Variants in SYNM observed in about 807,000 individuals in gnomAD.
SYNM encodes desmuslin.
In SYNM, 95 loss-of-function variants were observed where a neutral mutation model predicts 104.0. The observed-to-expected ratio is 0.91, with a 90% confidence interval of 0.77 to 1.08. The LOEUF (loss-of-function observed/expected upper bound fraction) is 1.08. SYNM is among the 50% of genes least tolerant of loss of function. SYNM has a pLI of 0.00. For missense variants in SYNM, 2,150 were observed against 2,052.2 expected, an observed-to-expected ratio of 1.05 and a Z score of -0.92; for synonymous variants, 918 against 869.0, an observed-to-expected ratio of 1.06 and a Z score of -0.99.
At chr15:99,113,170 A>G (rs782433624) in intron 1 of SYNM, among the ~76,000 whole-genome samples, 2 of 152,192 alleles carry the variant, frequency 1.3e-5, no homozygotes, top group Non-Finnish European at 2.9e-5. Context: ...AGTACATTTC[A>G]GTTCAATTCT....
Position 99,130,123 on chromosome 15 carries a change from G to T in SYNM, c.1763G>T (p.Arg588Ile), listed in dbSNP as rs371952715. ...PISLEVSQDRRAEVSPKGLQT... is the reference protein window; with the variant it reads ...PISLEVSQDRIAEVSPKGLQT... ...AGTCTAGAAGTATCCCAGGACAGAA[G>T]AGCAGAGGTGTCCCCGAAAGGTTTG... is the stretch of plus-strand genomic sequence containing the variant. Residue 588 changes from arginine to isoleucine, a missense_variant, in exon 4 of 4, where the codon AGA becomes ATA. Coordinates refer to ENST00000336292, the MANE Select transcript of SYNM (RefSeq NM_145728.3). 42 of 1,613,828 alleles carry T rather than the reference G, an allele frequency of 2.6e-5. No homozygotes were observed. The highest frequency in any genetic ancestry group is 3.5e-5 in the Non-Finnish European group (41 of 1,179,902).
chr15:99,105,456 A>G lies in SYNM; in HGVS notation c.257A>G (p.Asp86Gly), dbSNP rs782282572. The G allele has an allele frequency of 3.5e-6, 5 of 1,420,382 alleles. No individual in the cohort carries two copies. In the South Asian group the frequency reaches 5.8e-5, roughly 17 times the overall value. The allele number at this position is 1,420,382 out of a possible 1,614,324, so 88.0% of individuals were successfully genotyped here. A position where few individuals can be genotyped will look rare whatever the true frequency, so the allele number is the denominator to read the frequency against. The change falls in exon 1 of 4, where the codon GAC (aspartate) becomes GGC (glycine). Residue 86 changes from aspartate (D) to glycine (G), a missense_variant. Physicochemically the swap from Asp to Gly is moderately conservative, Grantham distance 94. Coordinates refer to ENST00000336292, the MANE Select transcript of SYNM (RefSeq NM_145728.3). ...WATALAEGER[D>G]ALRRELRELQ... is the part of the protein sequence containing the mutation. ...ACTGCGCTGGCGGAGGGCGAGCGGGACGCTCTGCGGCGCGAGCTGCGGGAG... is the reference window on the plus strand; with the variant it reads ...ACTGCGCTGGCGGAGGGCGAGCGGGGCGCTCTGCGGCGCGAGCTGCGGGAG...
chr15:99,130,284 A>T lies in SYNM; in HGVS notation c.1924A>T (p.Ile642Phe), dbSNP rs782509977. Reference sequence around the variant, plus strand: ...CATGACAGAAACCGTAGCAGAAAACATCGTTACCAGTATCCTGAAGCAGTT... The same window carrying T: ...CATGACAGAAACCGTAGCAGAAAACTTCGTTACCAGTATCCTGAAGCAGTT... The part of the protein sequence containing the change: ...DSMTETVAEN[I>F]VTSILKQFTQ... The change falls in exon 4 of 4, where the codon ATC becomes TTC. Residue 642 changes from isoleucine (I) to phenylalanine (F), a missense_variant. Physicochemically the swap from Ile to Phe is conservative, Grantham distance 21. Transcript: ENST00000336292. 2 of 1,613,936 alleles carry T rather than the reference A, an allele frequency of 1.2e-6. No homozygotes were observed. Among genetic ancestry groups the T allele is most frequent in the Non-Finnish European group, 1.7e-6 (2 of 1,179,870 alleles).
chr15:99,110,573 T>C (rs1227678145), intron 1 of SYNM, among the ~76,000 whole-genome samples: 2 of 152,254 alleles, frequency 1.3e-5, no homozygotes, highest in Non-Finnish European at 2.9e-5. Context: ...TCACAGTATT[T>C]AAATCCCCTG....
rs782052439 is a variant in SYNM, at chr15:99,132,661, A to G, written c.4301A>G (p.Asp1434Gly). 1 of 1,613,786 alleles carries G rather than the reference A, an allele frequency of 6.2e-7. No homozygotes were observed. Among genetic ancestry groups the G allele is most frequent in the Non-Finnish European group, 8.5e-7 (1 of 1,179,862 alleles). Residue 1434 changes from aspartate to glycine, a missense_variant, in exon 4 of 4, where the codon GAC becomes GGC. Physicochemically the swap from Asp to Gly is moderately conservative, Grantham distance 94. Transcript: ENST00000336292. Reference protein sequence around the residue: ...SRTFVLAGSADSPELGKLADS... With the variant: ...SRTFVLAGSAGSPELGKLADS... ...ACATTTGTGCTTGCTGGTTCAGCGG[A>G]CTCCCCTGAGCTAGGCAAGTTAGCA... is the stretch of plus-strand genomic sequence containing the variant.
chr15:99,138,143 G>T (rs782561030), downstream of SYNM: 3 of 1,611,644 alleles, frequency 1.9e-6, no homozygotes, highest in Admixed American at 3.3e-5. Context: ...GACAAGCAGA[G>T]GGTGGGGTGA....
chr15:99,132,462 G>A lies in SYNM; in HGVS notation c.4102G>A (p.Glu1368Lys). 1 of 1,614,030 alleles carries A rather than the reference G, an allele frequency of 6.2e-7. No individual in the cohort carries two copies. Among genetic ancestry groups the A allele is most frequent in the Non-Finnish European group, 8.5e-7 (1 of 1,179,892 alleles). Residue 1368 changes from glutamate (E) to lysine (K), a missense_variant, in exon 4 of 4, where the codon GAA (glutamate) becomes AAA (lysine). Coordinates refer to ENST00000336292, the MANE Select transcript of SYNM (RefSeq NM_145728.3). ...HTSGRQTVMT[E>K]KSTFQSVVSE... ...CTCGGGTAGACAAACCGTTATGACT[G>A]AAAAGAGCACCTTCCAAAGTGTCGT...
At chr15:99,124,467 G>GA (rs2067429943) in intron 2 of SYNM, among the ~76,000 whole-genome samples, 1 of 152,212 alleles carries the variant, frequency 6.6e-6, no homozygotes, top group Non-Finnish European at 1.5e-5. Context: ...CGGCCATTGA[G>GA]AAGGGACACA....
intron 2 of SYNM, among the ~76,000 whole-genome samples, chr15:99,126,337 C>G (rs1454920889): frequency 6.6e-6 from 1 of 152,210 alleles, no homozygotes; most frequent in African/African-American, 2.4e-5. Context: ...GCCCTCTAGC[C>G]TGGGGCCCAC....
At chr15:99,113,741 T>G in intron 2 of SYNM, 26 bp downstream of exon 2, 4 of 1,612,166 alleles carry the variant, frequency 2.5e-6, no homozygotes, top group Non-Finnish European at 3.4e-6. Flanking sequence ...TGAGTTGGCC[T>G]TGACGAAGCC....
intron 1 of SYNM, among the ~76,000 whole-genome samples, chr15:99,110,528 T>C (rs2067292221): frequency 6.6e-6 from 1 of 152,246 alleles, no homozygotes; most frequent in African/African-American, 2.4e-5. Flanking sequence ...CTTATTGTTA[T>C]GAATACATTT....
Position 99,134,272 on chromosome 15 carries a change from C to T in SYNM, c.*1214C>T, listed in dbSNP as rs1259938662. 4 of 151,934 alleles carry T rather than the reference C, an allele frequency of 2.6e-5. No homozygotes were observed. Among genetic ancestry groups the T allele is most frequent in the African/African-American group, 9.7e-5 (4 of 41,342 alleles). 9.4% of individuals were successfully genotyped at this position (151,934 alleles called of 1,614,324 possible). A position where few individuals can be genotyped will look rare whatever the true frequency, so the allele number is the denominator to read the frequency against. On this transcript the variant is annotated 3_prime_UTR_variant, in exon 4 of 4. Coordinates refer to ENST00000336292, the MANE Select transcript of SYNM (RefSeq NM_145728.3). ...TCCTGCAGCCCAGCACCGAGATACC[C>T]AGGACGGGCCTGGGGGGCGAGAAAG... is the stretch of plus-strand genomic sequence containing the variant.
intron 2 of SYNM, among the ~76,000 whole-genome samples, chr15:99,114,269 G>GGA (rs376078936): frequency 5.3e-5 from 8 of 151,398 alleles, no homozygotes; most frequent in Non-Finnish European, 8.9e-5. Flanking sequence ...GAAGGTGGCA[G>GGA]GAGAGAGAGA....
Position 99,133,108 on chromosome 15 carries a change from A to C in SYNM, c.*50A>C. Reference sequence around the variant, plus strand: ...GGCAGCCTGTTGGCGACGTGCCAACATCCAAAGGCCTTAACTTATTTTAAG... The same window carrying C: ...GGCAGCCTGTTGGCGACGTGCCAACCTCCAAAGGCCTTAACTTATTTTAAG... On this transcript the variant is annotated 3_prime_UTR_variant, in exon 4 of 4. Coordinates refer to ENST00000336292, the MANE Select transcript of SYNM (RefSeq NM_145728.3). 2 of 1,597,320 alleles carry C rather than the reference A, an allele frequency of 1.3e-6. No homozygotes were observed. The highest frequency in any genetic ancestry group is 1.7e-6 in the Non-Finnish European group (2 of 1,177,144).
In SYNM at chr15:99,129,415, A is replaced by T. The variant is rs1176370679; in HGVS notation, c.1055A>T (p.Glu352Val). Residue 352 changes from glutamate to valine, a missense_variant, in exon 4 of 4, where the codon GAA (glutamate) becomes GTA (valine). Physicochemically the swap from Glu to Val is moderately radical, Grantham distance 121. Coordinates refer to ENST00000336292, the MANE Select transcript of SYNM (RefSeq NM_145728.3). ...TATACCGACTCACTACTACAGAGGGAAAATGAAAGGAATCTATTTTCAAGG... is the reference window on the plus strand; with the variant it reads ...TATACCGACTCACTACTACAGAGGGTAAATGAAAGGAATCTATTTTCAAGG... Reference protein sequence around the residue: ...YHYTDSLLQRENERNLFSRQK... With the variant: ...YHYTDSLLQRVNERNLFSRQK... The T allele has an allele frequency of 3.7e-6, 6 of 1,613,906 alleles. No individual in the cohort carries two copies. The highest frequency in any genetic ancestry group is 5.1e-6 in the Non-Finnish European group (6 of 1,179,920).
At position 99,132,740 on chromosome 15, in the gene SYNM, T is replaced by G. The variant is rs1555486189; in HGVS notation, c.4380T>G (p.Phe1460Leu). The G allele has an allele frequency of 6.2e-7, 1 of 1,613,862 alleles. No homozygotes were observed. Among genetic ancestry groups the G allele is most frequent in the South Asian group, 1.1e-5 (1 of 91,074 alleles). Residue 1460 changes from phenylalanine to leucine, a missense_variant, in exon 4 of 4, where the codon TTT becomes TTG. Physicochemically the swap from Phe to Leu is conservative, Grantham distance 22. Transcript: ENST00000336292. ...CACCAGGGCCCAAAGAAACTTCGTT[T>G]ACCTTTCAGATGGATGTGAGTAACG... is the stretch of plus-strand genomic sequence containing the variant. The part of the protein sequence containing the change: ...HIAPGPKETS[F>L]TFQMDVSNVE...
chr15:99,138,895 C>CCTCT (rs1207582325), downstream of SYNM, among the ~76,000 whole-genome samples: 3 of 152,218 alleles, frequency 2.0e-5, no homozygotes, highest in Non-Finnish European at 4.4e-5. Flanking sequence ...GAGCGCTGGG[C>CCTCT]CTCTGCTCGG....
At position 99,105,532 on chromosome 15, in the gene SYNM, C is replaced by T; in HGVS notation, c.333C>T (p.Ala111=). 8.0e-7 allele frequency: 1 copy of T among 1,246,954 alleles called. No homozygotes were observed. The highest frequency in any genetic ancestry group is 1.0e-6 in the Non-Finnish European group (1 of 997,690). The allele number at this position is 1,246,954 out of a possible 1,614,324, so 77.2% of individuals were successfully genotyped here. A position where few individuals can be genotyped will look rare whatever the true frequency, so the allele number is the denominator to read the frequency against. Residue 111 remains alanine, a synonymous_variant, in exon 1 of 4, where the codon GCC becomes GCT. Coordinates refer to ENST00000336292, the MANE Select transcript of SYNM (RefSeq NM_145728.3). Reference sequence around the variant, plus strand: ...GCGCCGCCCGCGGCCGCCTGGACGCCGAGCTGGGTGCGCAGCAGCGCGAGC... The same window carrying T: ...GCGCCGCCCGCGGCCGCCTGGACGCTGAGCTGGGTGCGCAGCAGCGCGAGC... ...EERAARGRLD[A]ELGAQQRELQ... is the part of the protein sequence containing the mutation.
At chr15:99,135,764 A>G (rs1347972494), downstream of SYNM, among the ~76,000 whole-genome samples, 12 of 152,238 alleles carry the variant, frequency 7.9e-5, no homozygotes, top group African/African-American at 2.4e-4. Flanking sequence ...TCGGAACTCA[A>G]TATTGGGAGC....
Sources: allele counts gnomAD v4.1 joint callset (sites outside exome capture counted in the v4.1 genomes callset), GRCh38; gene constraint gnomAD v4.1.1; transcripts MANE v1.5; gene names NCBI Gene and HGNC (gene_info 2026-07-23, HGNC 2026-07-21).